SOS1: variants seen among roughly 807,000 people sequenced by gnomAD.
The protein encoded by SOS1 is SOS Ras/Rac guanine nucleotide exchange factor 1.
In SOS1, 25 loss-of-function variants were observed where a neutral mutation model predicts 157.6. That is an observed-to-expected ratio of 0.16 (90% CI 0.12 to 0.22). The LOEUF is 0.22. SOS1 is among the 10% of genes least tolerant of loss of function. The probability of loss-of-function intolerance (pLI) is 1.00; values close to 1 mark genes in which losing one functional copy is unlikely to be tolerated. For missense variants in SOS1, 1,237 were observed against 1,599.1 expected (o/e 0.77, Z 3.86); for synonymous variants, 528 against 534.0 (o/e 0.99, Z 0.16).
chr2:39,064,605 T>C (rs986910591), intron 2 of SOS1, among the ~76,000 whole-genome samples: 1 of 152,134 alleles, frequency 6.6e-6, no homozygotes, highest in Non-Finnish European at 1.5e-5. Flanking sequence ...TAAATATGTA[T>C]TCTTTGAACG....
At chr2:39,054,521 T>C in intron 5 of SOS1, 93 bp downstream of exon 5, 1 of 732,472 alleles carries the variant, frequency 1.4e-6, no homozygotes, top group South Asian at 1.6e-5. Flanking sequence ...AATTAACAAA[T>C]TAGTAATGAT....
chr2:39,073,771 A>G (rs1056395562), intron 1 of SOS1, among the ~76,000 whole-genome samples: 3 of 152,218 alleles, frequency 2.0e-5, no homozygotes, highest in African/African-American at 7.2e-5. Context: ...CTGCCAGAAA[A>G]TACTCTGTTG....
rs542558302 is a variant in SOS1 at position 39,037,641 on chromosome 2, A to G, written c.865-2141T>C. Among the ~76,000 whole-genome samples the G allele has an allele frequency of 4.9e-4, 73 of 150,188 alleles. 1 individual carries two copies. The highest frequency in any genetic ancestry group is 1.6e-3 in the African/African-American group (67 of 40,744). On this transcript the variant is annotated intron_variant, in intron 6 of 22. Transcript: ENST00000402219. ...CTTTTTTTTTTTTAACAAGTTGAAG[A>G]TTTGTGGCAACCCTGTGTGAAGCAA... is the stretch of plus-strand genomic sequence containing the variant.
intron 1 of SOS1, among the ~76,000 whole-genome samples, chr2:39,095,027 T>C (rs1672721332): frequency 6.6e-6 from 1 of 152,112 alleles, no homozygotes; most frequent in Admixed American, 6.5e-5. Flanking sequence ...ATGGGGGTGG[T>C]GTCCTCAGTC....
chr2:38,987,027 T>C (rs1210449472), intron 22 of SOS1, among the ~76,000 whole-genome samples: 4 of 152,136 alleles, frequency 2.6e-5, no homozygotes, highest in African/African-American at 9.6e-5. Flanking sequence ...TTGGGGTCTC[T>C]TCCAAACCCA....
Position 39,006,987 on chromosome 2 carries a change from A to G in SOS1, c.2673+44T>C, listed in dbSNP as rs56229142. ...AATTGTTAAAAATCTAATTTTTCTA[A>G]TAGGGAATGAAAGTTCATTTTAAAA... On this transcript the variant is annotated intron_variant, in intron 16 of 22. Transcript: ENST00000402219. 937 of 1,300,568 alleles carry G rather than the reference A, an allele frequency of 7.2e-4. 9 individuals are homozygous for G. The East Asian group carries it at 8.5e-3, about 12-fold the overall frequency. The allele number at this position is 1,300,568 out of a possible 1,614,324, so 80.6% of individuals were successfully genotyped here.
At chr2:39,038,313 T>C (rs1670427294) in intron 6 of SOS1, among the ~76,000 whole-genome samples, 1 of 152,160 alleles carries the variant, frequency 6.6e-6, no homozygotes, top group African/African-American at 2.4e-5. Context: ...TTGGAGGAAG[T>C]AACTGCAGAT....
chr2:39,052,335 C>T (rs974765170), intron 5 of SOS1, among the ~76,000 whole-genome samples: 3 of 152,046 alleles, frequency 2.0e-5, no homozygotes, highest in African/African-American at 7.2e-5. Flanking sequence ...AGTTTATATA[C>T]GAAACTCCTA....
chr2:39,069,736 C>A (rs746789827), intron 1 of SOS1, among the ~76,000 whole-genome samples: 1 of 151,994 alleles, frequency 6.6e-6, no homozygotes, highest in Non-Finnish European at 1.5e-5. Context: ...TTAGTGGAGA[C>A]GGGGTTTCAC....
intron 8 of SOS1, among the ~76,000 whole-genome samples, chr2:39,029,570 G>C (rs1190099087): frequency 6.6e-6 from 1 of 152,148 alleles, no homozygotes; most frequent in East Asian, 1.9e-4. Context: ...GATGCAGTGA[G>C]CAGTGACTGT....
chr2:39,042,279 A>C (rs1670597203), intron 6 of SOS1, among the ~76,000 whole-genome samples: 1 of 152,206 alleles, frequency 6.6e-6, no homozygotes, highest in African/African-American at 2.4e-5. Flanking sequence ...CTTGCTATGC[A>C]TTAAATTTGT....
chr2:38,998,971 C>G (rs186557224), intron 17 of SOS1, among the ~76,000 whole-genome samples: 33 of 152,268 alleles, frequency 2.2e-4, no homozygotes, highest in African/African-American at 6.5e-4. Context: ...CTGTTGGCTA[C>G]TACAGTATAA....
intron 13 of SOS1, among the ~76,000 whole-genome samples, chr2:39,012,894 TAAA>T (rs1328298767): frequency 6.6e-6 from 1 of 152,076 alleles, no homozygotes; most frequent in Non-Finnish European, 1.5e-5. Context: ...ACAAAGGAAA[TAAA>T]AATAAGTTTG....
chr2:39,120,286 CCCGCGCTGGGGGGCTGCGG>C (rs1401745681), intron 1 of SOS1, 31 bp downstream of exon 1: 2 of 1,506,394 alleles, frequency 1.3e-6, no homozygotes, highest in Admixed American at 2.0e-5. Flanking sequence ...TTCCCCAGCG[CCCGCGCTGGGGGGCTGCGG>C]CCGGGAAGCG....
intron 1 of SOS1, among the ~76,000 whole-genome samples, chr2:39,075,816 A>G (rs1239562059): frequency 1.3e-5 from 2 of 152,186 alleles, no homozygotes; most frequent in African/African-American, 2.4e-5. Flanking sequence ...AGAGAAAATT[A>G]TGAAAAACTT....
upstream of SOS1, among the ~76,000 whole-genome samples, chr2:39,122,870 G>C (rs1388306394): frequency 2.6e-5 from 4 of 152,008 alleles, no homozygotes; most frequent in Non-Finnish European, 5.9e-5. Flanking sequence ...TTAAAGGGTT[G>C]TGATATGGGG....
chr2:39,082,920 A>G (rs1422512185), intron 1 of SOS1, among the ~76,000 whole-genome samples: 1 of 152,184 alleles, frequency 6.6e-6, no homozygotes, highest in Non-Finnish European at 1.5e-5. Flanking sequence ...AAAGAAGAGG[A>G]AATGTTATAT....
chr2:39,081,628 C>T (rs1287293689), intron 1 of SOS1, among the ~76,000 whole-genome samples: 2 of 152,006 alleles, frequency 1.3e-5, no homozygotes, highest in African/African-American at 2.4e-5. Context: ...AGTTCGAGAC[C>T]AGCCTGGCCA....
intron 6 of SOS1, among the ~76,000 whole-genome samples, chr2:39,037,699 CTAATTTTGTCTCTGTGTCGAAATAT>C (rs1329517241): frequency 6.6e-6 from 1 of 151,720 alleles, no homozygotes; most frequent in Admixed American, 6.6e-5. Context: ...ACAGCATGTG[CTAATTTTGTCTCTGTGTCGAAATAT>C]TTCAAACTTC....
Sources: gnomAD v4.1 joint callset for allele counts (sites outside exome capture counted in the v4.1 genomes callset) on GRCh38, gnomAD v4.1.1 for gene constraint, MANE v1.5 for transcripts, NCBI Gene and HGNC (gene_info 2026-07-23, HGNC 2026-07-21) for gene names.